MROH9: variants seen among roughly 807,000 people sequenced by gnomAD.
MROH9 encodes the protein maestro heat-like repeat-containing protein family member 9.
In MROH9, 92 loss-of-function variants were observed where a neutral mutation model predicts 98.2. The observed-to-expected ratio is 0.94, with a 90% CI of 0.79 to 1.11. The LOEUF is 1.11. Ranked by LOEUF, MROH9 falls within the 50% of genes most tolerant of loss-of-function variation. The pLI, the probability that MROH9 is intolerant of heterozygous loss-of-function variation, is 0.00. For synonymous variants in MROH9, 397 were observed against 368.9 expected (o/e 1.08, Z -0.87); for missense variants, 1,057 against 1,014.8 (o/e 1.04, Z -0.57).
At chr1:170,964,367 C>T (rs144023924) in intron 6 of MROH9, among the ~76,000 whole-genome samples, 57 of 152,126 alleles carry the variant, frequency 3.7e-4, no homozygotes, top group Non-Finnish European at 6.8e-4. Flanking sequence ...AGGCTGACCC[C>T]TCTGAGATTT....
intron 20 of MROH9, among the ~76,000 whole-genome samples, chr1:171,038,562 G>A (rs1653185372): frequency 6.6e-6 from 1 of 152,088 alleles, no homozygotes; most frequent in African/African-American, 2.4e-5. Flanking sequence ...GATATTTATT[G>A]CATCATTGTA....
intron 20 of MROH9, among the ~76,000 whole-genome samples, chr1:171,029,642 G>A (rs1022218337): frequency 2.0e-5 from 3 of 152,178 alleles, no homozygotes; most frequent in Non-Finnish European, 4.4e-5. Flanking sequence ...CAGGGATGAC[G>A]CTGAACCGAT....
intron 20 of MROH9, among the ~76,000 whole-genome samples, chr1:171,030,153 G>GT (rs1270528655): frequency 1.3e-5 from 2 of 151,984 alleles, no homozygotes; most frequent in East Asian, 3.8e-4. Context: ...TTCCTTATCA[G>GT]TTTTTATTGT....
intron 20 of MROH9, among the ~76,000 whole-genome samples, chr1:171,054,937 T>C (rs1316493401): frequency 6.6e-6 from 1 of 151,460 alleles, no homozygotes; most frequent in Non-Finnish European, 1.5e-5. Context: ...TTATGGAAAA[T>C]GGTGTGGAGA....
intron 15 of MROH9, among the ~76,000 whole-genome samples, chr1:171,000,602 G>T (rs1487094124): frequency 6.6e-6 from 1 of 152,056 alleles, no homozygotes; most frequent in African/African-American, 2.4e-5. Flanking sequence ...CTTGATCATG[G>T]TGGATTATCT....
intron 20 of MROH9, among the ~76,000 whole-genome samples, chr1:171,050,194 A>G (rs1451579299): frequency 6.6e-6 from 1 of 152,132 alleles, no homozygotes; most frequent in African/African-American, 2.4e-5. Flanking sequence ...GACTTACTAA[A>G]TTTCTTTACC....
At chr1:171,021,507 G>A (rs1571509037) in intron 17 of MROH9, among the ~76,000 whole-genome samples, 4 of 152,062 alleles carry the variant, frequency 2.6e-5, no homozygotes, top group Admixed American at 2.6e-4. Flanking sequence ...CAAGCAATAG[G>A]GAAAAGATTC....
At chr1:170,945,879 C>T (rs1649312464) in intron 2 of MROH9, among the ~76,000 whole-genome samples, 1 of 151,876 alleles carries the variant, frequency 6.6e-6, no homozygotes, top group Non-Finnish European at 1.5e-5. Flanking sequence ...ACCACTTGTC[C>T]AGTAAACTTT....
intron 20 of MROH9, among the ~76,000 whole-genome samples, chr1:171,041,605 T>G (rs571206801): frequency 7.9e-5 from 12 of 151,920 alleles, no homozygotes; most frequent in African/African-American, 2.6e-4. Context: ...GATTGGTGGA[T>G]TGAATGGTAG....
At chr1:171,058,930 A>C (rs193247672) in intron 20 of MROH9, among the ~76,000 whole-genome samples, 1 of 152,246 alleles carries the variant, frequency 6.6e-6, no homozygotes, top group African/African-American at 2.4e-5. Context: ...GGGCATATGC[A>C]TGGGCAAAGA....
Position 170,958,588 on chromosome 1 carries a change from A to AGTG in MROH9, c.152+48_152+49insGTG, listed in dbSNP as rs754385076. 0.024 allele frequency: 29,638 copies of AGTG among 1,242,686 alleles called. 4,125 individuals are homozygous for AGTG. The African/African-American group carries it at 0.34, about 14-fold the overall frequency. The allele number at this position is 1,242,686 out of a possible 1,614,324, so 77.0% of individuals were successfully genotyped here. Reference sequence around the variant, plus strand: ...TTTATTTCACTAATTGGATGCATTTAAAATGTTATATCTTTAAAAACATGC... The same window carrying AGTG: ...TTTATTTCACTAATTGGATGCATTTAGTGAAATGTTATATCTTTAAAAACATGC... On this transcript the variant is annotated intron_variant, in intron 4 of 21. Transcript: ENST00000367759.
chr1:171,006,325 CTT>C (rs1023784754), intron 15 of MROH9, among the ~76,000 whole-genome samples: 3 of 152,096 alleles, frequency 2.0e-5, no homozygotes, highest in Non-Finnish European at 1.5e-5. Flanking sequence ...TGAGAAGTCT[CTT>C]TGTCTTTTCT....
intron 15 of MROH9, among the ~76,000 whole-genome samples, chr1:171,011,709 C>T (rs748446338): frequency 1.3e-5 from 2 of 152,168 alleles, no homozygotes; most frequent in Non-Finnish European, 2.9e-5. Flanking sequence ...ATCCTGCACT[C>T]ATCCTTGCCT....
At chr1:170,964,260 T>C (rs1016109547) in intron 6 of MROH9, among the ~76,000 whole-genome samples, 6 of 152,098 alleles carry the variant, frequency 3.9e-5, no homozygotes, top group African/African-American at 1.4e-4. Flanking sequence ...TGGAAGCCTG[T>C]TACTTAACCA....
intron 15 of MROH9, among the ~76,000 whole-genome samples, chr1:171,000,034 G>GT (rs1180315067): frequency 1.3e-5 from 2 of 151,838 alleles, no homozygotes; most frequent in African/African-American, 4.8e-5. Flanking sequence ...GGGATTACTT[G>GT]TTTTTTTCTT....
intron 15 of MROH9, among the ~76,000 whole-genome samples, chr1:171,009,326 C>T (rs1652067624): frequency 6.6e-6 from 1 of 152,034 alleles, no homozygotes; most frequent in Admixed American, 6.6e-5. Flanking sequence ...TATAATTACT[C>T]CATGCAGCTT....
At chr1:170,966,278 C>A (rs1286985113) in intron 7 of MROH9, among the ~76,000 whole-genome samples, 4 of 152,018 alleles carry the variant, frequency 2.6e-5, no homozygotes. Flanking sequence ...GTCATAATCA[C>A]CAGTATTTAC....
intron 14 of MROH9, among the ~76,000 whole-genome samples, chr1:170,997,816 C>T (rs1055087849): frequency 6.6e-6 from 1 of 152,158 alleles, no homozygotes; most frequent in Non-Finnish European, 1.5e-5. Flanking sequence ...GACCTGTATG[C>T]AGCCATCTTG....
At chr1:170,945,724 T>A in intron 2 of MROH9, 143 bp downstream of exon 2, 1 of 641,148 alleles carries the variant, frequency 1.6e-6, no homozygotes, top group Non-Finnish European at 2.5e-6. Context: ...CTAATGCCCG[T>A]AGAACGTTCA....
Sources: gnomAD v4.1 joint callset for allele counts (sites outside exome capture counted in the v4.1 genomes callset) on GRCh38, gnomAD v4.1.1 for gene constraint, MANE v1.5 for transcripts, NCBI Gene and HGNC (gene_info 2026-07-23, HGNC 2026-07-21) for gene names.